The following DLGAP1 variants were observed in gnomAD, a reference collection of about 807,000 sequenced individuals.
DLGAP1 encodes disks large-associated protein 1.
In DLGAP1, 11 loss-of-function variants were observed where a neutral mutation model predicts 90.8. The observed-to-expected ratio is 0.12, with a 90% CI of 0.08 to 0.20. DLGAP1 has a LOEUF of 0.20. Ranked by LOEUF, DLGAP1 falls within the 10% of genes least tolerant of loss-of-function variation. DLGAP1 has a pLI of 1.00. For synonymous variants in DLGAP1, 558 were observed against 540.7 expected (o/e 1.03, Z -0.44); for missense variants, 1,050 against 1,333.8 (o/e 0.79, Z 3.31).
At chr18:3,665,636 CGAT>C (rs1162708355) in intron 7 of DLGAP1, among the ~76,000 whole-genome samples, 1 of 152,042 alleles carries the variant, frequency 6.6e-6, no homozygotes. Flanking sequence ...GGTCTGTGTA[CGAT>C]ATTTCATTAA....
chr18:4,271,937 T>C (rs1459544421), intron 1 of DLGAP1, among the ~76,000 whole-genome samples: 1 of 152,190 alleles, frequency 6.6e-6, no homozygotes, highest in Non-Finnish European at 1.5e-5. Flanking sequence ...GTAGGCTCTG[T>C]GGTGAGAACA....
chr18:4,215,844 G>A (rs903093496), intron 1 of DLGAP1, among the ~76,000 whole-genome samples: 10 of 152,050 alleles, frequency 6.6e-5, no homozygotes, highest in African/African-American at 2.4e-4. Flanking sequence ...CATTTCTCCT[G>A]CCAAAAGTGG....
chr18:4,385,972 T>C (rs2082222428), intron 1 of DLGAP1, among the ~76,000 whole-genome samples: 1 of 152,022 alleles, frequency 6.6e-6, no homozygotes, highest in South Asian at 2.1e-4. Context: ...CACAAAGAAA[T>C]ATATGGAATG....
chr18:3,567,067 T>TTCAG (rs60972025), intron 9 of DLGAP1, among the ~76,000 whole-genome samples: 1 of 144,150 alleles, frequency 6.9e-6, no homozygotes, highest in African/African-American at 2.7e-5. Context: ...CATTCATTCA[T>TTCAG]TCATCATTCA....
At chr18:4,321,475 A>G (rs1229093513) in intron 1 of DLGAP1, among the ~76,000 whole-genome samples, 1 of 152,224 alleles carries the variant, frequency 6.6e-6, no homozygotes, top group African/African-American at 2.4e-5. Flanking sequence ...GGCTTCACAT[A>G]GTACTGGAAA....
At chr18:3,608,934 T>G (rs1399395521) in intron 7 of DLGAP1, among the ~76,000 whole-genome samples, 3 of 152,218 alleles carry the variant, frequency 2.0e-5, no homozygotes, top group Non-Finnish European at 4.4e-5. Context: ...CCTCCCAGGT[T>G]CAATGATCCT....
chr18:3,978,128 A>G (rs1443942832), intron 3 of DLGAP1: 8 of 450,326 alleles, frequency 1.8e-5, no homozygotes, highest in Non-Finnish European at 2.7e-5. Flanking sequence ...CCACGATTCC[A>G]AAGTTGTCAT....
intron 1 of DLGAP1, among the ~76,000 whole-genome samples, chr18:4,195,477 A>T (rs2077479949): frequency 6.6e-6 from 1 of 152,092 alleles, no homozygotes; most frequent in Non-Finnish European, 1.5e-5. Context: ...TTTGCATGCT[A>T]CTCAAAAGGA....
chr18:3,879,878 G>C lies in DLGAP1; in HGVS notation c.191C>G (p.Pro64Arg), dbSNP rs1172750416. 1 of 1,611,204 alleles carries C rather than the reference G, an allele frequency of 6.2e-7. No individual in the cohort carries two copies. The highest frequency in any genetic ancestry group is 8.5e-7 in the Non-Finnish European group (1 of 1,179,538). The change falls in exon 4 of 13, where the codon CCG becomes CGG. Residue 64 changes from proline (P) to arginine (R), a missense_variant. Pro to Arg is a moderately radical substitution (Grantham distance 103). Transcript: ENST00000315677. This position sits in a 1 kb window ranked among gnomAD's most constrained non-coding sequence, Gnocchi z 6.6. The stretch of plus-strand genomic sequence containing the variant: ...GCGGGGGAAGGTGCTGCTGGCCAGC[G>C]GGTCGCTGAAGGGGCCCACGCACTC... ...QAECVGPFSDPLASSTFPRRH... is the reference protein window; with the variant it reads ...QAECVGPFSDRLASSTFPRRH...
intron 4 of DLGAP1, among the ~76,000 whole-genome samples, chr18:3,815,977 T>C (rs553298308): frequency 2.0e-5 from 3 of 152,332 alleles, no homozygotes; most frequent in South Asian, 2.1e-4. Context: ...CTCCCTGGAA[T>C]TGGCCAGGTT....
At chr18:3,835,245 G>A (rs2068301158) in intron 4 of DLGAP1, among the ~76,000 whole-genome samples, 1 of 152,048 alleles carries the variant, frequency 6.6e-6, no homozygotes, top group South Asian at 2.1e-4. Flanking sequence ...ACATTTGTGG[G>A]TTCTTTAAAA....
rs79287366 is a variant in DLGAP1 at position 3,927,293 on chromosome 18, A to T, written c.-72-47153T>A. ...TGGAAAGACATCAGCTTGACTGAGG[A>T]ACATGTGATTGTCATCTCGCCTAAG... On this transcript the variant is annotated intron_variant, in intron 3 of 12. Transcript: ENST00000315677. 2.2e-3 allele frequency among the ~76,000 whole-genome samples: 340 copies of T among 152,374 alleles called. 2 individuals are homozygous for T. Among genetic ancestry groups the T allele is most frequent in the African/African-American group, 7.8e-3 (326 of 41,594 alleles).
intron 2 of DLGAP1, among the ~76,000 whole-genome samples, chr18:4,082,982 G>A (rs1357410945): frequency 1.3e-5 from 2 of 151,990 alleles, no homozygotes; most frequent in African/African-American, 2.4e-5. Context: ...CATTTTGCAC[G>A]GGGCCTTGCT....
intron 5 of DLGAP1, among the ~76,000 whole-genome samples, chr18:3,748,743 T>G (rs2063373729): frequency 1.3e-5 from 2 of 152,212 alleles, no homozygotes; most frequent in South Asian, 4.1e-4. Flanking sequence ...GGCTTTGGTG[T>G]GGACAATGGT....
chr18:3,639,855 C>T (rs2058867741), intron 7 of DLGAP1, among the ~76,000 whole-genome samples: 2 of 141,688 alleles, frequency 1.4e-5, no homozygotes, highest in South Asian at 2.2e-4. Context: ...CCTGGGTTCA[C>T]GCCATTCTCC....
rs558769693 is a variant in DLGAP1 at position 3,906,090 on chromosome 18, G to A, written c.-72-25950C>T. On this transcript the variant is annotated intron_variant, in intron 3 of 12. Coordinates refer to ENST00000315677, the MANE Select transcript of DLGAP1 (RefSeq NM_004746.4). ...GATTCACTCTCCTTTCACCTAATCCGTAGTTTACTCCCAAGAATCTTGGGT... is the reference window on the plus strand; with the variant it reads ...GATTCACTCTCCTTTCACCTAATCCATAGTTTACTCCCAAGAATCTTGGGT... Among the ~76,000 whole-genome samples, 12 of 152,260 alleles carry A rather than the reference G, an allele frequency of 7.9e-5. No individual in the cohort carries two copies. The East Asian group carries it at 1.4e-3, about 17-fold the overall frequency.
chr18:4,200,226 C>A (rs1568447368), intron 1 of DLGAP1, among the ~76,000 whole-genome samples: 1 of 151,928 alleles, frequency 6.6e-6, no homozygotes, highest in Non-Finnish European at 1.5e-5. Flanking sequence ...TTTAACAAAT[C>A]TGTCAAATTA....
In DLGAP1 at chr18:4,173,352, A is replaced by G. The variant is rs534652041; in HGVS notation, c.-266-22065T>C. Among the ~76,000 whole-genome samples, 16 of 152,310 alleles carry G rather than the reference A, an allele frequency of 1.1e-4. No individual in the cohort carries two copies. The South Asian group carries it at 3.1e-3, about 30-fold the overall frequency. On this transcript the variant is annotated intron_variant, in intron 1 of 12. Transcript: ENST00000315677. ...TTCTCTAGAAGCCCATACAATTACA[A>G]TCAGTCAAGGTAGACTTCTGAACTT...
At chr18:4,049,232 A>C (rs1311766165) in intron 2 of DLGAP1, among the ~76,000 whole-genome samples, 1 of 151,930 alleles carries the variant, frequency 6.6e-6, no homozygotes, top group Non-Finnish European at 1.5e-5. Flanking sequence ...GTCTCAAAAA[A>C]AAAAAAAAAA....
Sources: allele counts gnomAD v4.1 joint callset (sites outside exome capture counted in the v4.1 genomes callset), GRCh38; gene constraint gnomAD v4.1.1; non-coding constraint Gnocchi (gnomAD v3.1); transcripts MANE v1.5; gene names NCBI Gene and HGNC (gene_info 2026-07-23, HGNC 2026-07-21).